The following NTRK3 variants were observed in gnomAD, a reference collection of about 807,000 sequenced individuals.
NTRK3 encodes NT-3 growth factor receptor.
NTRK3 carries 24 observed loss-of-function variants against 91.7 expected under a neutral mutation model. The ratio of observed to expected loss-of-function variants is 0.26; its 90% CI spans 0.19 to 0.37. The LOEUF is 0.37. Among genes scored for constraint, NTRK3 ranks in the 10% least tolerant of loss-of-function variants. The pLI is 1.00. For missense variants in NTRK3, 880 were observed against 1,068.9 expected, an observed-to-expected ratio of 0.82 and a Z score of 2.46; for synonymous variants, 483 against 404.0, an observed-to-expected ratio of 1.20 and a Z score of -2.34.
chr15:87,871,014 T>A, exon 19 of NTRK3: 1 of 230,900 alleles, frequency 4.3e-6, no homozygotes, highest in Non-Finnish European at 8.6e-6. Flanking sequence ...CAAGACATTA[T>A]CTCCTACTGC....
At chr15:88,155,452 A>G (rs577917164) in intron 5 of NTRK3, among the ~76,000 whole-genome samples, 1 of 152,354 alleles carries the variant, frequency 6.6e-6, no homozygotes, top group East Asian at 1.9e-4. Context: ...GATGAGACCC[A>G]TGTTGAATTT....
intron 16 of NTRK3, among the ~76,000 whole-genome samples, chr15:87,930,814 G>A (rs1200473557): frequency 6.6e-6 from 1 of 152,132 alleles, no homozygotes. Context: ...CAGTAGTGGA[G>A]GCTAAAGTTC....
intron 14 of NTRK3, among the ~76,000 whole-genome samples, chr15:87,955,579 C>T (rs576999439): frequency 2.0e-5 from 3 of 152,298 alleles, no homozygotes; most frequent in South Asian, 2.1e-4. Flanking sequence ...GGGACTGCAG[C>T]GAGTTAGTAG....
At position 88,098,706 on chromosome 15, in the gene NTRK3, C is replaced by T. The variant is rs538367595; in HGVS notation, c.1396+27565G>A. 6.9e-5 allele frequency: 16 copies of T among 232,326 alleles called. No individual in the cohort carries two copies. In the East Asian group the frequency reaches 7.3e-4, roughly 11 times the overall value. The allele number at this position is 232,326 out of a possible 1,614,324, so 14.4% of individuals were successfully genotyped here. A position where few individuals can be genotyped will look rare whatever the true frequency, so the allele number is the denominator to read the frequency against. ...GAACATTAATTCACAAGGAATAAAT[C>T]CGCAGGGGCCAGAAGACTAGAGGAA... On this transcript the variant is annotated intron_variant, in intron 13 of 18. Coordinates refer to ENST00000394480, the Ensembl canonical transcript of NTRK3.
intron 13 of NTRK3, among the ~76,000 whole-genome samples, chr15:88,103,015 T>C (rs1429912724): frequency 6.6e-6 from 1 of 152,212 alleles, no homozygotes; most frequent in African/African-American, 2.4e-5. Context: ...TACATGGATG[T>C]CAATACATTA....
rs185461807 is a variant in NTRK3, at chr15:88,132,927, G to T, written c.1204+2174C>A. Among the ~76,000 whole-genome samples, 42 of 152,248 alleles carry T rather than the reference G, an allele frequency of 2.8e-4. 1 individual carries two copies. The South Asian group carries it at 8.5e-3, about 31-fold the overall frequency. On this transcript the variant is annotated intron_variant, in intron 10 of 18. Transcript: ENST00000394480. ...AGGTGCTTTCTCTTTGAGTTTCTCT[G>T]TGACTCTATCCTCCCTCCATCCTCC...
chr15:87,991,851 C>T (rs776464376), intron 14 of NTRK3, among the ~76,000 whole-genome samples: 5 of 151,996 alleles, frequency 3.3e-5, no homozygotes, highest in African/African-American at 9.7e-5. Flanking sequence ...CTTAACTTCC[C>T]TAAGCCTCAG....
exon 19 of NTRK3, chr15:87,875,240 G>A (rs375384487): frequency 4.3e-6 from 1 of 230,170 alleles, no homozygotes; most frequent in Non-Finnish European, 8.6e-6. Context: ...CCCTTAGGTA[G>A]CTCTGTGCTT....
chr15:88,091,559 C>T (rs142155009), intron 13 of NTRK3, among the ~76,000 whole-genome samples: 76 of 152,234 alleles, frequency 5.0e-4, no homozygotes, highest in Admixed American at 1.2e-3. Flanking sequence ...GTCTGCTGTA[C>T]GCACAAGGGT....
intron 14 of NTRK3, among the ~76,000 whole-genome samples, chr15:88,001,872 A>G (rs1486476): frequency 1.3e-5 from 2 of 152,132 alleles, no homozygotes; most frequent in Admixed American, 1.3e-4. Flanking sequence ...TTCTGCAAAA[A>G]AGAGGCCTGA....
chr15:87,986,871 T>C (rs1464940522), intron 14 of NTRK3, among the ~76,000 whole-genome samples: 2 of 152,228 alleles, frequency 1.3e-5, no homozygotes, highest in East Asian at 3.8e-4. Context: ...ACCACTAAAC[T>C]CTGCCAGTAT....
intron 17 of NTRK3, among the ~76,000 whole-genome samples, chr15:87,888,648 C>T (rs1415218555): frequency 1.3e-5 from 2 of 152,168 alleles, no homozygotes; most frequent in Non-Finnish European, 2.9e-5. Flanking sequence ...CACACGTTAG[C>T]AGGGCTGCCA....
At chr15:88,197,828 C>T (rs541715508) in intron 3 of NTRK3, among the ~76,000 whole-genome samples, 1 of 152,286 alleles carries the variant, frequency 6.6e-6, no homozygotes, top group East Asian at 1.9e-4. Context: ...CATCATCATG[C>T]CGTCTCCCCT....
At chr15:87,917,915 A>G (rs988983453) in intron 17 of NTRK3, among the ~76,000 whole-genome samples, 1 of 152,162 alleles carries the variant, frequency 6.6e-6, no homozygotes. Flanking sequence ...TTCTTTATAA[A>G]TTACATAGCC....
chr15:88,248,820 G>A (rs930228929), intron 3 of NTRK3, among the ~76,000 whole-genome samples: 4 of 152,176 alleles, frequency 2.6e-5, no homozygotes, highest in Non-Finnish European at 2.9e-5. Flanking sequence ...AAACGCTAAC[G>A]ATTGTTATCA....
chr15:87,933,815 C>T (rs531705774), intron 15 of NTRK3, among the ~76,000 whole-genome samples: 17 of 152,220 alleles, frequency 1.1e-4, no homozygotes, highest in Non-Finnish European at 2.9e-5. Flanking sequence ...GCGGCAGCTA[C>T]GGGAATGGCA....
chr15:87,898,387 G>C (rs1309555389), intron 17 of NTRK3, among the ~76,000 whole-genome samples: 1 of 152,126 alleles, frequency 6.6e-6, no homozygotes, highest in Non-Finnish European at 1.5e-5. Flanking sequence ...TGCCAGATCT[G>C]TGTGACTGCC....
At chr15:87,899,279 T>G (rs960390515) in intron 17 of NTRK3, among the ~76,000 whole-genome samples, 1 of 152,178 alleles carries the variant, frequency 6.6e-6, no homozygotes, top group Non-Finnish European at 1.5e-5. Context: ...TCAAGTGTCT[T>G]GGACTGTAGC....
Position 87,954,024 on chromosome 15 carries a change from G to A in NTRK3, c.1586-13271C>T, listed in dbSNP as rs1041970123. Among the ~76,000 whole-genome samples, 142 of 137,302 alleles carry A rather than the reference G, an allele frequency of 1.0e-3. 2 individuals are homozygous for A. Among genetic ancestry groups the A allele is most frequent in the Admixed American group, 8.6e-3 (126 of 14,594 alleles). The allele number at this position is 137,302 out of a possible 152,430, so 90.1% of individuals were successfully genotyped here. On this transcript the variant is annotated intron_variant, in intron 14 of 18. Transcript: ENST00000394480. ...ACCTTTTCAGTGTGTGTGTGTGTGTGTGTGTGTGTGTGTGTGTGTGTGTGT... is the reference window on the plus strand; with the variant it reads ...ACCTTTTCAGTGTGTGTGTGTGTGTATGTGTGTGTGTGTGTGTGTGTGTGT...
Sources: gnomAD v4.1 joint callset for allele counts (sites outside exome capture counted in the v4.1 genomes callset) on GRCh38, gnomAD v4.1.1 for gene constraint, MANE v1.5 for transcripts, NCBI Gene and HGNC (gene_info 2026-07-23, HGNC 2026-07-21) for gene names.